ASAP1: variants seen among roughly 807,000 people sequenced by gnomAD.
ASAP1 encodes ArfGAP with SH3 domain, ankyrin repeat and PH domain 1, also known as arf-GAP with SH3 domain, ANK repeat and PH domain-containing protein 1.
In ASAP1, 43 loss-of-function variants were observed where a neutral mutation model predicts 145.2. The ratio of observed to expected loss-of-function variants is 0.30; its 90% CI spans 0.23 to 0.38. ASAP1 has a LOEUF of 0.38. ASAP1 is among the 10% of genes least tolerant of loss of function. The pLI, the probability that ASAP1 is intolerant of heterozygous loss-of-function variation, is 1.00. For synonymous variants in ASAP1, 546 were observed against 515.5 expected (o/e 1.06, Z -0.80); for missense variants, 1,018 against 1,355.3 (o/e 0.75, Z 3.91).
At chr8:130,261,378 G>C (rs1201500433) in intron 3 of ASAP1, among the ~76,000 whole-genome samples, 1 of 152,222 alleles carries the variant, frequency 6.6e-6, no homozygotes, top group Admixed American at 6.5e-5. Flanking sequence ...CTGCCTATAT[G>C]CTACTTGCAC....
chr8:130,351,077 G>C (rs1489836588), intron 3 of ASAP1, among the ~76,000 whole-genome samples: 1 of 152,200 alleles, frequency 6.6e-6, no homozygotes, highest in South Asian at 2.1e-4. Flanking sequence ...GAAGAACAGA[G>C]AAAAGCAACT....
chr8:130,347,175 C>A (rs576028268), intron 3 of ASAP1, among the ~76,000 whole-genome samples: 5 of 152,360 alleles, frequency 3.3e-5, no homozygotes, highest in Middle Eastern at 6.8e-3. Flanking sequence ...ATTCAAGGAG[C>A]ACCATGCCAT....
intron 26 of ASAP1, among the ~76,000 whole-genome samples, chr8:130,076,961 CTGGCACACT>C (rs1225932025): frequency 6.6e-6 from 1 of 152,204 alleles, no homozygotes; most frequent in Non-Finnish European, 1.5e-5. Flanking sequence ...ATGAAGGCAC[CTGGCACACT>C]CTAAGTGGTG....
intron 3 of ASAP1, among the ~76,000 whole-genome samples, chr8:130,336,553 G>A (rs1825047247): frequency 2.0e-5 from 3 of 152,184 alleles, no homozygotes; most frequent in African/African-American, 7.2e-5. Flanking sequence ...ACCAGTTTTG[G>A]TATTAGGCAC....
intron 24 of ASAP1, among the ~76,000 whole-genome samples, chr8:130,099,505 A>C (rs970734339): frequency 4.0e-5 from 6 of 151,148 alleles, no homozygotes; most frequent in East Asian, 3.9e-4. Context: ...TTTAAGAAAA[A>C]CTTTTTGTGG....
At chr8:130,394,061 CA>C (rs1412420451) in intron 2 of ASAP1, among the ~76,000 whole-genome samples, 2 of 152,086 alleles carry the variant, frequency 1.3e-5, no homozygotes, top group Non-Finnish European at 2.9e-5. Context: ...ATTAACTGCA[CA>C]AATTGTTTGT....
At chr8:130,428,514 G>A (rs1313839159) in intron 1 of ASAP1, among the ~76,000 whole-genome samples, 1 of 9,462 alleles carries the variant, frequency 1.1e-4, no homozygotes, top group East Asian at 3.2e-3. Flanking sequence ...ACCACCATCA[G>A]CAGTGGCAGC....
chr8:130,131,300 C>A (rs2097582586), intron 15 of ASAP1, among the ~76,000 whole-genome samples: 1 of 152,116 alleles, frequency 6.6e-6, no homozygotes, highest in Non-Finnish European at 1.5e-5. Context: ...TCAATTTCAT[C>A]GAACACTTTC....
At chr8:130,091,258 G>A (rs1422406273) in intron 25 of ASAP1, among the ~76,000 whole-genome samples, 3 of 152,204 alleles carry the variant, frequency 2.0e-5, no homozygotes, top group African/African-American at 7.2e-5. Context: ...TTAGTGGGGC[G>A]GCTTACATTC....
intron 7 of ASAP1, 147 bp downstream of exon 7, chr8:130,187,089 T>C (rs1420864789): frequency 3.0e-6 from 2 of 656,060 alleles, no homozygotes; most frequent in African/African-American, 3.7e-5. Flanking sequence ...AATAAGGATA[T>C]GCTAGAGGAT....
chr8:130,365,827 C>T (rs1044967276), intron 2 of ASAP1, among the ~76,000 whole-genome samples: 1 of 152,032 alleles, frequency 6.6e-6, no homozygotes, highest in African/African-American at 2.4e-5. Flanking sequence ...AATGAATGAA[C>T]AAACATTTAT....
At chr8:130,202,305 C>G (rs537794273) in intron 5 of ASAP1, among the ~76,000 whole-genome samples, 5 of 152,284 alleles carry the variant, frequency 3.3e-5, no homozygotes, top group Middle Eastern at 6.8e-3. Context: ...AAACCAAAAG[C>G]ACAATGTTTT....
At chr8:130,432,034 G>C (rs896433023) in intron 1 of ASAP1, among the ~76,000 whole-genome samples, 1 of 107,762 alleles carries the variant, frequency 9.3e-6, no homozygotes, top group Non-Finnish European at 1.9e-5. Flanking sequence ...GAGAAGGAGG[G>C]GGAAAATGAG....
intron 5 of ASAP1, among the ~76,000 whole-genome samples, chr8:130,193,082 A>G (rs562266654): frequency 6.6e-6 from 1 of 152,334 alleles, no homozygotes; most frequent in African/African-American, 2.4e-5. Flanking sequence ...TTTGCATAAC[A>G]AGGAGGAAAA....
At chr8:130,247,526 T>C (rs1586677183) in intron 3 of ASAP1, among the ~76,000 whole-genome samples, 3 of 150,688 alleles carry the variant, frequency 2.0e-5, no homozygotes. Flanking sequence ...GGAGGACCCT[T>C]AAAAAAAAAC....
At chr8:130,126,113 A>C (rs1317272438) in intron 16 of ASAP1, 24 bp from the exon 17 acceptor site, 1 of 1,588,866 alleles carries the variant, frequency 6.3e-7, no homozygotes, top group Admixed American at 1.9e-5. Flanking sequence ...GTTGAAGACA[A>C]TGAAACAAAA....
At chr8:130,232,358 A>C (rs1817955333) in intron 4 of ASAP1, among the ~76,000 whole-genome samples, 1 of 152,218 alleles carries the variant, frequency 6.6e-6, no homozygotes, top group African/African-American at 2.4e-5. Context: ...CGAAGGAGGG[A>C]GAAAATGGGA....
In ASAP1 at chr8:130,358,827, G is replaced by A. The variant is rs1354296540; in HGVS notation, c.60-684C>T. The stretch of plus-strand genomic sequence containing the variant: ...GCTCCCGACCCCGGCTGCGCGGCAC[G>A]GGGGCTCCGGAAGCCCGAGTCCCTG... On this transcript the variant is annotated intron_variant, in intron 2 of 29. Coordinates refer to ENST00000518721, the MANE Select transcript of ASAP1 (RefSeq NM_018482.4). This position sits in a 1 kb window ranked among gnomAD's most constrained non-coding sequence, Gnocchi z 4.1. Among the ~76,000 whole-genome samples the A allele has an allele frequency of 1.3e-5, 2 of 151,102 alleles. No homozygotes were observed. Among genetic ancestry groups the A allele is most frequent in the East Asian group, 1.9e-4 (1 of 5,134 alleles).
At chr8:130,072,896 G>A (rs1306650606) in intron 27 of ASAP1, among the ~76,000 whole-genome samples, 2 of 148,756 alleles carry the variant, frequency 1.3e-5, no homozygotes, top group African/African-American at 5.0e-5. Flanking sequence ...CAGGTAGACA[G>A]TGTCGGAACT....
Sources: gnomAD v4.1 joint callset for allele counts (sites outside exome capture counted in the v4.1 genomes callset) on GRCh38, gnomAD v4.1.1 for gene constraint, Gnocchi (gnomAD v3.1) non-coding constraint, MANE v1.5 for transcripts, NCBI Gene and HGNC (gene_info 2026-07-23, HGNC 2026-07-21) for gene names.